The following PTPRT variants were observed in gnomAD, a reference collection of about 807,000 sequenced individuals.
PTPRT encodes the protein protein tyrosine phosphatase receptor type T.
A neutral mutation model predicts 176.8 loss-of-function variants in PTPRT; 56 were observed. The observed-to-expected ratio is 0.32, with a 90% CI of 0.26 to 0.40. PTPRT has a LOEUF of 0.40. Ranked by LOEUF, PTPRT falls within the 10% of genes least tolerant of loss-of-function variation. The pLI, the probability that PTPRT is intolerant of heterozygous loss-of-function variation, is 1.00. For missense variants in PTPRT, 1,540 were observed against 1,908.2 expected (o/e 0.81, Z 3.60); for synonymous variants, 783 against 739.0 (o/e 1.06, Z -0.96).
intron 6 of PTPRT, among the ~76,000 whole-genome samples, chr20:42,750,737 A>C (rs1166171419): frequency 6.6e-6 from 1 of 152,202 alleles, no homozygotes; most frequent in Non-Finnish European, 1.5e-5. Context: ...ATTTTCATCA[A>C]GATACATCTG....
At chr20:42,390,588 A>T (rs1283145743) in intron 9 of PTPRT, among the ~76,000 whole-genome samples, 2 of 152,118 alleles carry the variant, frequency 1.3e-5, no homozygotes, top group Non-Finnish European at 2.9e-5. Flanking sequence ...CTCTTGGCTC[A>T]CTTACTCTAG....
chr20:42,952,157 A>G (rs896589349), intron 1 of PTPRT, among the ~76,000 whole-genome samples: 3 of 152,192 alleles, frequency 2.0e-5, no homozygotes, highest in African/African-American at 2.4e-5. Context: ...CAAGGACGCA[A>G]CTAGCTGTGT....
chr20:42,345,563 T>TATATATATAC (rs2058179200), intron 11 of PTPRT, among the ~76,000 whole-genome samples: 2 of 140,968 alleles, frequency 1.4e-5, no homozygotes, highest in Admixed American at 1.4e-4. Context: ...CACACACACA[T>TATATATATAC]ATATATACAT....
Position 42,562,307 on chromosome 20 carries a change from A to G in PTPRT, c.1154-89745T>C, listed in dbSNP as rs75373297. ...AACCACTGTTTTGGAGTTCATCAAC[A>G]TGAGTAGTTTTGCCTGTTTGTGAAT... On this transcript the variant is annotated intron_variant, in intron 7 of 30. Transcript: ENST00000373187. Among the ~76,000 whole-genome samples, 1,356 of 152,290 alleles carry G rather than the reference A, an allele frequency of 8.9e-3. 17 individuals are homozygous for G. The highest frequency in any genetic ancestry group is 0.03 in the African/African-American group (1,266 of 41,562).
At chr20:42,434,499 T>C (rs1341694731) in intron 9 of PTPRT, among the ~76,000 whole-genome samples, 2 of 152,106 alleles carry the variant, frequency 1.3e-5, no homozygotes, top group Non-Finnish European at 2.9e-5. Flanking sequence ...TCATATAGTC[T>C]ATTAGAGATT....
In PTPRT at chr20:42,080,061, G is replaced by T. The variant is rs1176775091; in HGVS notation, c.*818C>A. 1.7e-5 allele frequency: 4 copies of T among 232,672 alleles called. No homozygotes were observed. Among genetic ancestry groups the T allele is most frequent in the Non-Finnish European group, 3.4e-5 (4 of 117,772 alleles). The allele number at this position is 232,672 out of a possible 1,614,324, so 14.4% of individuals were successfully genotyped here. A position where few individuals can be genotyped will look rare whatever the true frequency, so the allele number is the denominator to read the frequency against. On this transcript the variant is annotated 3_prime_UTR_variant, in exon 31 of 31. Transcript: ENST00000373187. The stretch of plus-strand genomic sequence containing the variant: ...GAAAGCTACCACCAAAGAAACACAG[G>T]GGTTACATCCTACAGGTCAGCCCAA...
chr20:42,594,977 T>G (rs1322268527), intron 7 of PTPRT, among the ~76,000 whole-genome samples: 1 of 152,182 alleles, frequency 6.6e-6, no homozygotes, highest in Non-Finnish European at 1.5e-5. Context: ...CTTGCTGTAC[T>G]TCACAAATGG....
At chr20:42,137,963 C>T (rs917950087) in intron 18 of PTPRT, among the ~76,000 whole-genome samples, 34 of 152,204 alleles carry the variant, frequency 2.2e-4, no homozygotes, top group African/African-American at 8.2e-4. Context: ...CCCGCAGACC[C>T]CCTCTCCACT....
intron 19 of PTPRT, among the ~76,000 whole-genome samples, chr20:42,122,642 C>T (rs1422844166): frequency 6.6e-6 from 1 of 152,226 alleles, no homozygotes; most frequent in Non-Finnish European, 1.5e-5. Flanking sequence ...TCCTCCCTGG[C>T]TGAGGCCACA....
chr20:42,922,718 G>T (rs890800024), intron 1 of PTPRT, among the ~76,000 whole-genome samples: 2 of 152,244 alleles, frequency 1.3e-5, no homozygotes, highest in Middle Eastern at 3.4e-3. Flanking sequence ...GATGCCCTTG[G>T]AGGGCGAGTC....
At chr20:42,255,470 G>C (rs902050083) in intron 13 of PTPRT, among the ~76,000 whole-genome samples, 4 of 152,272 alleles carry the variant, frequency 2.6e-5, no homozygotes, top group South Asian at 4.1e-4. Context: ...GTAGGTCATA[G>C]AGGCTGAGGC....
chr20:42,258,555 T>G (rs543131227), intron 13 of PTPRT, among the ~76,000 whole-genome samples: 1 of 152,316 alleles, frequency 6.6e-6, no homozygotes, highest in East Asian at 1.9e-4. Context: ...ATTTAGGTGA[T>G]TTTTTTCTGC....
At chr20:43,005,238 T>A (rs771233657) in intron 1 of PTPRT, among the ~76,000 whole-genome samples, 1 of 152,180 alleles carries the variant, frequency 6.6e-6, no homozygotes, top group East Asian at 1.9e-4. Flanking sequence ...CCGATTCTAA[T>A]GGCCCACGAA....
At chr20:42,165,422 A>G (rs927104006) in intron 16 of PTPRT, among the ~76,000 whole-genome samples, 2 of 152,220 alleles carry the variant, frequency 1.3e-5, no homozygotes, top group Non-Finnish European at 2.9e-5. Context: ...GAATAAGCCT[A>G]AGATAGGAAG....
At chr20:42,199,683 A>G (rs1296384539) in intron 15 of PTPRT, among the ~76,000 whole-genome samples, 1 of 152,106 alleles carries the variant, frequency 6.6e-6, no homozygotes, top group Non-Finnish European at 1.5e-5. Context: ...GAAATCAACA[A>G]GATTTGTATT....
chr20:42,098,402 T>TGGCTTGGCCTC lies in PTPRT; in HGVS notation c.3846+8_3846+18dup, dbSNP rs768844306. 31 of 1,613,620 alleles carry TGGCTTGGCCTC rather than the reference T, an allele frequency of 1.9e-5. No individual in the cohort carries two copies. In the East Asian group the frequency reaches 6.7e-4, roughly 35 times the overall value. On this transcript the variant is annotated intron_variant, in intron 27 of 30. Transcript: ENST00000373187. ...TGGCCCCCCTGACCCACCTAGGGCT[T>TGGCTTGGCCTC]GGCTTGGCCTCCTCCTACCTGGGCA...
chr20:42,881,590 C>A (rs1300786971), intron 2 of PTPRT, among the ~76,000 whole-genome samples: 2 of 151,822 alleles, frequency 1.3e-5, no homozygotes, highest in African/African-American at 2.4e-5. Flanking sequence ...CCAGGCATGG[C>A]GATGTGCGCC....
rs572049706 is a variant in PTPRT at position 42,150,700 on chromosome 20, C to T, written c.2683-8698G>A. Among the ~76,000 whole-genome samples the T allele has an allele frequency of 1.1e-3, 161 of 152,282 alleles. 4 individuals are homozygous for T. In the South Asian group the frequency reaches 0.019, roughly 18 times the overall value. On this transcript the variant is annotated intron_variant, in intron 17 of 30. Coordinates refer to ENST00000373187, the MANE Select transcript of PTPRT (RefSeq NM_007050.6). ...TTTACTGCAAATAAGTTCACCACTTCGAGTGTCAATAAACGTTTCTGAAAA... is the reference window on the plus strand; with the variant it reads ...TTTACTGCAAATAAGTTCACCACTTTGAGTGTCAATAAACGTTTCTGAAAA...
At chr20:42,558,527 T>G (rs2072899243) in intron 7 of PTPRT, among the ~76,000 whole-genome samples, 1 of 152,124 alleles carries the variant, frequency 6.6e-6, no homozygotes, top group Non-Finnish European at 1.5e-5. Flanking sequence ...TTTTTAGGTC[T>G]TTGAGGAATT....
Sources: gnomAD v4.1 joint callset for allele counts (sites outside exome capture counted in the v4.1 genomes callset) on GRCh38, gnomAD v4.1.1 for gene constraint, MANE v1.5 for transcripts, NCBI Gene and HGNC (gene_info 2026-07-23, HGNC 2026-07-21) for gene names.